Variants in DPF1 observed in about 807,000 individuals in gnomAD.
DPF1 encodes the protein zinc finger protein neuro-d4.
Under a neutral mutation model 58.7 loss-of-function variants are expected in DPF1, and 14 were observed. That is an observed-to-expected ratio of 0.24 (90% confidence interval 0.16 to 0.37). The LOEUF is 0.37. Ranked by LOEUF, DPF1 falls within the 10% of genes least tolerant of loss-of-function variation. The pLI is 1.00. For synonymous variants in DPF1, 216 were observed against 216.0 expected, an observed-to-expected ratio of 1.00 and a Z score of 0.00; for missense variants, 345 against 529.9, an observed-to-expected ratio of 0.65 and a Z score of 3.43.
upstream of DPF1, among the ~76,000 whole-genome samples, chr19:38,225,797 G>T (rs909820035): frequency 6.6e-6 from 1 of 151,208 alleles, no homozygotes; most frequent in African/African-American, 2.4e-5. Context: ...GCTGAGTCAG[G>T]AGGATTGGTT....
In DPF1 at chr19:38,229,538, G is replaced by T; in HGVS notation, c.-132+21C>A. 8.5e-7 allele frequency: 1 copy of T among 1,171,850 alleles called. No homozygotes were observed. The highest frequency in any genetic ancestry group is 1.1e-6 in the Non-Finnish European group (1 of 948,174). 72.6% of individuals were successfully genotyped at this position (1,171,850 alleles called of 1,614,324 possible). On this transcript the variant is annotated intron_variant, in intron 1 of 11. Transcript: ENST00000412732. This position sits in a 1 kb window ranked among gnomAD's most constrained non-coding sequence, Gnocchi z 5.3. Reference sequence around the variant, plus strand: ...TGGTGGGGGGGTCTGGACAGGGGGCGGGGACGGCAGGGACACTCACGACTT... The same window carrying T: ...TGGTGGGGGGGTCTGGACAGGGGGCTGGGACGGCAGGGACACTCACGACTT...
At chr19:38,212,806 G>T (rs1469337691) in intron 10 of DPF1, among the ~76,000 whole-genome samples, 2 of 141,906 alleles carry the variant, frequency 1.4e-5, no homozygotes, top group East Asian at 4.1e-4. Context: ...TTTGAGACGG[G>T]AGTCTCACTA....
At position 38,224,054 on chromosome 19, in the gene DPF1, C is replaced by A; in HGVS notation, c.29+60G>T. On this transcript the variant is annotated intron_variant, in intron 1 of 11. Coordinates refer to ENST00000355526, the MANE Select transcript of DPF1 (RefSeq NM_001135155.3). The surrounding 1 kb of genome is among the most constrained non-coding windows in gnomAD (Gnocchi z 4.5). Reference sequence around the variant, plus strand: ...CGGCCCCACCCCCGGTCGCCACACACACACAGGCCCGCGTAGACCCGCCCG... The same window carrying A: ...CGGCCCCACCCCCGGTCGCCACACAAACACAGGCCCGCGTAGACCCGCCCG... 6.8e-7 allele frequency: 1 copy of A among 1,470,782 alleles called. No individual in the cohort carries two copies. The highest frequency in any genetic ancestry group is 8.9e-7 in the Non-Finnish European group (1 of 1,122,570). The allele number at this position is 1,470,782 out of a possible 1,614,324, so 91.1% of individuals were successfully genotyped here. A position where few individuals can be genotyped will look rare whatever the true frequency, so the allele number is the denominator to read the frequency against.
At position 38,224,053 on chromosome 19, in the gene DPF1, A is replaced by G; in HGVS notation, c.29+61T>C. 2.7e-6 allele frequency: 4 copies of G among 1,459,936 alleles called. No individual in the cohort carries two copies. The highest frequency in any genetic ancestry group is 3.6e-6 in the Non-Finnish European group (4 of 1,115,798). 90.4% of individuals were successfully genotyped at this position (1,459,936 alleles called of 1,614,324 possible). A position where few individuals can be genotyped will look rare whatever the true frequency, so the allele number is the denominator to read the frequency against. ...TCGGCCCCACCCCCGGTCGCCACAC[A>G]CACACAGGCCCGCGTAGACCCGCCC... On this transcript the variant is annotated intron_variant, in intron 1 of 11. Transcript: ENST00000355526. This position sits in a 1 kb window ranked among gnomAD's most constrained non-coding sequence, Gnocchi z 4.5.
chr19:38,226,850 C>T (rs1967844827), upstream of DPF1, among the ~76,000 whole-genome samples: 1 of 152,132 alleles, frequency 6.6e-6, no homozygotes, highest in Non-Finnish European at 1.5e-5. Flanking sequence ...GACACGCAGA[C>T]TCACTCCTGC....
chr19:38,212,989 GT>G (rs1186926618), intron 10 of DPF1, among the ~76,000 whole-genome samples: 113 of 133,418 alleles, frequency 8.5e-4, no homozygotes, highest in Admixed American at 1.2e-3. Flanking sequence ...GTTTTTGTTT[GT>G]TTTTTTTTTT....
intron 4 of DPF1, 80 bp downstream of exon 4, chr19:38,218,851 A>G (rs1967232712): frequency 1.3e-6 from 2 of 1,588,752 alleles, no homozygotes. Context: ...GTTTCAGAGC[A>G]GGAACGTGAG....
chr19:38,217,756 G>A lies in DPF1; in HGVS notation c.595+42C>T, dbSNP rs200830027. On this transcript the variant is annotated intron_variant, in intron 6 of 11. Coordinates refer to ENST00000355526, the MANE Select transcript of DPF1 (RefSeq NM_001135155.3). ...GGGCCACGAGGTGGGGAGTCTCTGG[G>A]CACCCCTCTCTCTGCCTTTCCCCCT... 335 of 1,611,404 alleles carry A rather than the reference G, an allele frequency of 2.1e-4. 3 individuals are homozygous for A. In the Admixed American group the frequency reaches 3.9e-3, roughly 19 times the overall value.
chr19:38,217,206 A>AC (rs1054317526), intron 7 of DPF1, among the ~76,000 whole-genome samples: 8 of 149,986 alleles, frequency 5.3e-5, no homozygotes, highest in East Asian at 2.0e-4. Context: ...GCCATCTATC[A>AC]CCCCCCCTCC....
At chr19:38,223,182 A>G in intron 1 of DPF1, 1 of 158,726 alleles carries the variant, frequency 6.3e-6, no homozygotes, top group Non-Finnish European at 1.4e-5. Context: ...ACAAAGACAC[A>G]TCACATATCC....
At chr19:38,215,644 G>C (rs991341432) in intron 9 of DPF1, among the ~76,000 whole-genome samples, 1 of 152,162 alleles carries the variant, frequency 6.6e-6, no homozygotes, top group Non-Finnish European at 1.5e-5. Flanking sequence ...ATGTTGCCCA[G>C]GCTGGTCTCA....
chr19:38,212,106 C>G lies in DPF1; in HGVS notation c.1121G>C (p.Arg374Pro), dbSNP rs367684333. ...EGSWSCHLCL[R>P]HLKEKASAYI... ...AGCAGAAGCCTTTTCCTTCAGGTGC[C>G]GGAGACAGAGGTGACAGCTCCAGCT... Residue 374 changes from arginine to proline, a missense_variant, in exon 12 of 12, where the codon CGG (arginine) becomes CCG (proline). By Grantham distance (103) the Arg-to-Pro change is moderately radical. Coordinates refer to ENST00000355526, the MANE Select transcript of DPF1 (RefSeq NM_001135155.3). 1.9e-6 allele frequency: 3 copies of G among 1,612,108 alleles called. No individual in the cohort carries two copies. The highest frequency in any genetic ancestry group is 1.7e-5 in the Admixed American group (1 of 59,856).
intron 9 of DPF1, among the ~76,000 whole-genome samples, chr19:38,214,564 G>A (rs1034252998): frequency 6.6e-6 from 1 of 152,108 alleles, no homozygotes; most frequent in Non-Finnish European, 1.5e-5. Flanking sequence ...ACTCTATGGC[G>A]AGCTCATCCT....
upstream of DPF1, chr19:38,228,581 G>C (rs1967925010): frequency 6.6e-6 from 1 of 151,888 alleles, no homozygotes; most frequent in South Asian, 2.1e-4. Context: ...CCTGCGGGGA[G>C]GGAGGGCGGG....
chr19:38,219,289 A>C (rs1967272819), intron 3 of DPF1: 2 of 580,066 alleles, frequency 3.4e-6, no homozygotes, highest in Non-Finnish European at 6.0e-6. Flanking sequence ...TACACCAGAA[A>C]GCCTCAGAAA....
intron 3 of DPF1, among the ~76,000 whole-genome samples, chr19:38,220,105 T>A (rs1967334332): frequency 6.7e-6 from 1 of 149,498 alleles, no homozygotes; most frequent in African/African-American, 2.5e-5. Flanking sequence ...AGAGAATCAC[T>A]TGAACCCGGG....
chr19:38,214,289 G>A (rs1973683229), intron 9 of DPF1, among the ~76,000 whole-genome samples: 2 of 152,174 alleles, frequency 1.3e-5, no homozygotes, highest in African/African-American at 4.8e-5. Flanking sequence ...ACAGCACTGT[G>A]CAGCGCCAGG....
At chr19:38,221,295 T>C (rs1288620525) in intron 3 of DPF1, among the ~76,000 whole-genome samples, 1 of 152,042 alleles carries the variant, frequency 6.6e-6, no homozygotes, top group African/African-American at 2.4e-5. Flanking sequence ...CCCAGCACTC[T>C]GGGAGGCCAA....
intron 9 of DPF1, 100 bp downstream of exon 9, chr19:38,216,040 G>C (rs936943350): frequency 2.7e-6 from 4 of 1,495,988 alleles, no homozygotes; most frequent in Non-Finnish European, 3.6e-6. Flanking sequence ...CATGCTCCGG[G>C]TCCCCTCGGT....
Sources: gnomAD v4.1 joint callset for allele counts (sites outside exome capture counted in the v4.1 genomes callset) on GRCh38, gnomAD v4.1.1 for gene constraint, Gnocchi (gnomAD v3.1) non-coding constraint, MANE v1.5 for transcripts, NCBI Gene and HGNC (gene_info 2026-07-23, HGNC 2026-07-21) for gene names.